Variants in ADGRV1 observed in about 807,000 individuals in gnomAD.
The protein encoded by ADGRV1 is adhesion G protein-coupled receptor V1, also known as G-protein coupled receptor 98.
Under a neutral mutation model 596.2 loss-of-function variants are expected in ADGRV1, and 359 were observed. The ratio of observed to expected loss-of-function variants is 0.60; its 90% CI spans 0.55 to 0.66. ADGRV1 has a LOEUF of 0.66. Among genes scored for constraint, ADGRV1 ranks in the 30% least tolerant of loss-of-function variants. The pLI, the probability that ADGRV1 is intolerant of heterozygous loss-of-function variation, is 0.00. For synonymous variants in ADGRV1, 2,681 were observed against 2,679.2 expected (o/e 1.00, Z -0.02); for missense variants, 7,274 against 7,575.6 (o/e 0.96, Z 1.48).
At chr5:90,815,417 C>G (rs1762799699) in intron 74 of ADGRV1, among the ~76,000 whole-genome samples, 1 of 151,060 alleles carries the variant, frequency 6.6e-6, no homozygotes, top group Non-Finnish European at 1.5e-5. Context: ...TTTATTTCTT[C>G]TTTTCTTCTA....
chr5:90,893,723 G>T (rs1340945598), intron 83 of ADGRV1, among the ~76,000 whole-genome samples: 1 of 152,192 alleles, frequency 6.6e-6, no homozygotes, highest in Non-Finnish European at 1.5e-5. Context: ...CCTTCAGTGT[G>T]TTGTAAAAGA....
At chr5:90,808,766 C>T (rs529947555) in intron 73 of ADGRV1, among the ~76,000 whole-genome samples, 4 of 152,076 alleles carry the variant, frequency 2.6e-5, no homozygotes, top group South Asian at 2.1e-4. Flanking sequence ...TGTGATGGTG[C>T]GTGCCTGTAG....
chr5:90,905,821 A>T (rs964437875), intron 83 of ADGRV1, among the ~76,000 whole-genome samples: 1 of 152,044 alleles, frequency 6.6e-6, no homozygotes, highest in Admixed American at 6.6e-5. Context: ...ATCTCAGAGG[A>T]AAGGCTTTTG....
intron 1 of ADGRV1, among the ~76,000 whole-genome samples, chr5:90,573,790 T>G (rs1197998218): frequency 3.3e-5 from 5 of 152,180 alleles, no homozygotes; most frequent in Non-Finnish European, 7.4e-5. Flanking sequence ...TAAGTAAAAA[T>G]TAAGTCCCAT....
At chr5:90,976,373 T>C (rs1779616817) in intron 84 of ADGRV1, among the ~76,000 whole-genome samples, 1 of 147,234 alleles carries the variant, frequency 6.8e-6, no homozygotes, top group Middle Eastern at 3.3e-3. Context: ...TGGACATCTT[T>C]AAGTTTACCA....
chr5:90,739,008 TTGAC>T (rs1753611863), intron 50 of ADGRV1, among the ~76,000 whole-genome samples: 1 of 152,122 alleles, frequency 6.6e-6, no homozygotes, highest in Non-Finnish European at 1.5e-5. Context: ...TTTTGCTTCT[TTGAC>T]TGGATAACTT....
At chr5:90,642,833 CT>C (rs752741504) in intron 12 of ADGRV1, 22 bp from the exon 13 acceptor site, 4 of 1,597,574 alleles carry the variant, frequency 2.5e-6, no homozygotes, top group Non-Finnish European at 3.4e-6. Context: ...AGGGTTTCAA[CT>C]TTTGTGGATT....
Position 90,791,293 on chromosome 5 carries a change from G to T in ADGRV1, c.14464G>T (p.Val4822Leu), listed in dbSNP as rs762730120. ...IVTENAERQL[V>L]VKDGATYKVD... is the part of the protein sequence containing the mutation. Reference sequence around the variant, plus strand: ...TACCGAAAATGCAGAGAGGCAGCTGGTGGTCAAAGATGGTGCCACATATAA... The same window carrying T: ...TACCGAAAATGCAGAGAGGCAGCTGTTGGTCAAAGATGGTGCCACATATAA... Residue 4822 changes from valine (V) to leucine (L), a missense_variant, in exon 70 of 90, where the codon GTG becomes TTG. Transcript: ENST00000405460. The T allele has an allele frequency of 1.3e-6, 2 of 1,599,144 alleles. No individual in the cohort carries two copies. The highest frequency in any genetic ancestry group is 1.7e-6 in the Non-Finnish European group (2 of 1,172,368).
intron 84 of ADGRV1, among the ~76,000 whole-genome samples, chr5:90,972,672 ATACCAG>A (rs1581675324): frequency 6.6e-6 from 1 of 152,208 alleles, no homozygotes; most frequent in East Asian, 1.9e-4. Flanking sequence ...AAGACACAAC[ATACCAG>A]AATCTCTGGG....
Position 90,706,255 on chromosome 5 carries a change from C to T in ADGRV1, c.8591C>T (p.Thr2864Met), listed in dbSNP as rs397517440. 30 of 1,612,096 alleles carry T rather than the reference C, an allele frequency of 1.9e-5. No homozygotes were observed. The highest frequency in any genetic ancestry group is 8.0e-5 in the African/African-American group (6 of 74,836). Residue 2864 changes from threonine to methionine, a missense_variant, in exon 38 of 90, where the codon ACG becomes ATG. Physicochemically the swap from Thr to Met is moderately conservative, Grantham distance 81 (BLOSUM62 -1). Coordinates refer to ENST00000405460, the MANE Select transcript of ADGRV1 (RefSeq NM_032119.4). ...SLGAINVTYT[T>M]VPGMLSLKNQ... is the part of the protein sequence containing the mutation. Reference sequence around the variant, plus strand: ...GGAGCTATCAATGTCACATATACCACGGTTCCTGGAATGCTGAGTCTGAAG... The same window carrying T: ...GGAGCTATCAATGTCACATATACCATGGTTCCTGGAATGCTGAGTCTGAAG...
chr5:90,569,615 A>G (rs1756261838), intron 1 of ADGRV1, among the ~76,000 whole-genome samples: 1 of 150,802 alleles, frequency 6.6e-6, no homozygotes, highest in Non-Finnish European at 1.5e-5. Flanking sequence ...TTTTGAGTCT[A>G]TGTCCCTTTT....
chr5:90,922,689 T>G (rs3114654), intron 83 of ADGRV1, among the ~76,000 whole-genome samples: 53,257 of 152,052 alleles, frequency 0.35, 9,724 homozygotes, highest in East Asian at 0.59. Flanking sequence ...GAATGTGGTC[T>G]GCAGACCAGT....
At chr5:91,163,199 G>A (rs989357666) in intron 89 of ADGRV1, among the ~76,000 whole-genome samples, 2 of 152,180 alleles carry the variant, frequency 1.3e-5, no homozygotes, top group African/African-American at 4.8e-5. Context: ...TACTGTGGTG[G>A]AATTCCTGTG....
At chr5:90,836,391 C>G (rs970782273) in intron 77 of ADGRV1, among the ~76,000 whole-genome samples, 3 of 152,050 alleles carry the variant, frequency 2.0e-5, no homozygotes, top group African/African-American at 7.2e-5. Context: ...ACACTCCTCA[C>G]TAATAATAAG....
chr5:90,692,697 T>A lies in ADGRV1; in HGVS notation c.7044T>A (p.Pro2348=), dbSNP rs1384705855. 1 of 1,610,900 alleles carries A rather than the reference T, an allele frequency of 6.2e-7. No individual in the cohort carries two copies. Among genetic ancestry groups the A allele is most frequent in the South Asian group, 1.1e-5 (1 of 90,322 alleles). Residue 2348 remains proline, a synonymous_variant, in exon 32 of 90, where the codon CCT becomes CCA. Transcript: ENST00000405460. ...TTATTATTCCTGCCAATGATGATCC[T>A]TATGGTACAGTAGCCTTTGCTCAGA... ...ANIIIPANDD[P]YGTVAFAQMV... is the part of the protein sequence containing the mutation.
At position 90,679,566 on chromosome 5, in the gene ADGRV1, G is replaced by T. The variant is rs761184681; in HGVS notation, c.5461G>T (p.Val1821Phe). ...TTGTGAAGTAGCTGAACTCTTTAGG[G>T]TTGATGGAAGTGGTAGTGGTGATGG... ...LEGGVAELFRVDGSGSGDGDM... is the reference protein window; with the variant it reads ...LEGGVAELFRFDGSGSGDGDM... Residue 1821 changes from valine (V) to phenylalanine (F), a missense_variant, in exon 26 of 90, where the codon GTT (valine) becomes TTT (phenylalanine). Transcript: ENST00000405460. The T allele has an allele frequency of 1.2e-6, 2 of 1,613,320 alleles. No individual in the cohort carries two copies. The highest frequency in any genetic ancestry group is 1.7e-6 in the Non-Finnish European group (2 of 1,179,526).
intron 4 of ADGRV1, among the ~76,000 whole-genome samples, chr5:90,621,992 C>T (rs993077234): frequency 3.3e-5 from 5 of 152,148 alleles, no homozygotes; most frequent in Non-Finnish European, 7.3e-5. Context: ...TTTGCTGTCA[C>T]CCTGAGAGCT....
At chr5:90,896,274 T>TTG (rs1561909203) in intron 83 of ADGRV1, among the ~76,000 whole-genome samples, 1 of 137,372 alleles carries the variant, frequency 7.3e-6, no homozygotes, top group East Asian at 2.1e-4. Flanking sequence ...GTGGTTTTTT[T>TTG]TTTTTTTTTT....
rs1019991115 is a variant in ADGRV1 at position 90,675,418 on chromosome 5, G to C, written c.5286G>C (p.Leu1762Phe). 1 of 1,613,510 alleles carries C rather than the reference G, an allele frequency of 6.2e-7. No homozygotes were observed. The highest frequency in any genetic ancestry group is 8.5e-7 in the Non-Finnish European group (1 of 1,179,788). Residue 1762 changes from leucine (L) to phenylalanine (F), a missense_variant, in exon 24 of 90, where the codon TTG becomes TTC. By Grantham distance (22) the Leu-to-Phe change is conservative. Around this residue, in one of 5 missense-constraint regions of ADGRV1, gnomAD observed 3,643 missense variants for 3,809.2 expected, o/e 0.96. Transcript: ENST00000405460. ...CTGCGGAATTTAGAACAGTGTCCTT[G>C]ACAGCATTCAGTCCTGAGGATTACC... ...RVTAEFRTVS[L>F]TAFSPEDYQN...
Sources: gnomAD v4.1 joint callset for allele counts (sites outside exome capture counted in the v4.1 genomes callset) on GRCh38, gnomAD v4.1.1 for gene constraint, gnomAD v4.1.1 regional missense constraint, MANE v1.5 for transcripts, NCBI Gene and HGNC (gene_info 2026-07-23, HGNC 2026-07-21) for gene names.